The following CNTN4 variants were observed in gnomAD, a reference collection of about 807,000 sequenced individuals.
The protein encoded by CNTN4 is contactin-4.
CNTN4 carries 77 observed loss-of-function variants against 122.5 expected under a neutral mutation model. That is an observed-to-expected ratio of 0.63 (90% CI 0.52 to 0.76). The LOEUF (loss-of-function observed/expected upper bound fraction) is 0.76, where lower values mean the gene tolerates loss of function less well. CNTN4 is among the 30% of genes least tolerant of loss of function. The pLI, the probability that CNTN4 is intolerant of heterozygous loss-of-function variation, is 0.00. For synonymous variants in CNTN4, 512 were observed against 447.0 expected, an observed-to-expected ratio of 1.15 and a Z score of -1.83; for missense variants, 1,256 against 1,259.1, an observed-to-expected ratio of 1.00 and a Z score of 0.04.
intron 1 of CNTN4, chr3:2,099,381 C>T (rs2031697427): frequency 6.6e-6 from 1 of 152,374 alleles, no homozygotes; most frequent in Admixed American, 6.5e-5. Context: ...GTTCGGGCTA[C>T]TGCCCCCTCT....
chr3:3,055,968 G>A (rs1396145615), intron 24 of CNTN4, 152 bp from the exon 25 acceptor site: 4 of 615,454 alleles, frequency 6.5e-6, no homozygotes, highest in African/African-American at 3.7e-5. Flanking sequence ...TAGCTTGGTA[G>A]TCATAGAACT....
chr3:2,877,637 G>A (rs769307660), intron 8 of CNTN4, among the ~76,000 whole-genome samples: 1 of 152,098 alleles, frequency 6.6e-6, no homozygotes, highest in Non-Finnish European at 1.5e-5. Context: ...GACCTGGGTA[G>A]GTCTTTACAT....
intron 7 of CNTN4, among the ~76,000 whole-genome samples, chr3:2,853,617 C>A (rs1250477002): frequency 1.3e-5 from 2 of 152,078 alleles, no homozygotes; most frequent in African/African-American, 4.8e-5. Context: ...TTGAGGAATT[C>A]AACCACCACA....
chr3:2,202,384 C>A (rs367839171), intron 2 of CNTN4, among the ~76,000 whole-genome samples: 7 of 152,152 alleles, frequency 4.6e-5, no homozygotes, highest in African/African-American at 1.7e-4. Context: ...TAATTTCAGC[C>A]TCATTACTAA....
At chr3:2,305,619 ATCT>A (rs1296559483) in intron 2 of CNTN4, among the ~76,000 whole-genome samples, 5 of 152,126 alleles carry the variant, frequency 3.3e-5, no homozygotes, top group Middle Eastern at 3.2e-3. Flanking sequence ...ATTTTTGTGA[ATCT>A]TCTTTTTTTC....
At chr3:2,531,842 A>G (rs1386972074) in intron 3 of CNTN4, among the ~76,000 whole-genome samples, 2 of 152,186 alleles carry the variant, frequency 1.3e-5, no homozygotes, top group African/African-American at 4.8e-5. Flanking sequence ...CTTAATATTC[A>G]TAATAAGAAC....
intron 3 of CNTN4, among the ~76,000 whole-genome samples, chr3:2,549,088 G>C (rs929447404): frequency 6.6e-6 from 1 of 151,840 alleles, no homozygotes; most frequent in African/African-American, 2.4e-5. Flanking sequence ...GAGACGTTGG[G>C]GTTTCTAAAT....
chr3:2,354,823 AG>A (rs2044800045), intron 3 of CNTN4, among the ~76,000 whole-genome samples: 1 of 152,218 alleles, frequency 6.6e-6, no homozygotes, highest in African/African-American at 2.4e-5. Context: ...TCAAACAGCC[AG>A]GAGTTCTAAG....
chr3:2,294,204 T>G (rs535003260), intron 2 of CNTN4, among the ~76,000 whole-genome samples: 1 of 152,106 alleles, frequency 6.6e-6, no homozygotes, highest in African/African-American at 2.4e-5. Flanking sequence ...AATCATAAGA[T>G]TTAGGGACCT....
At chr3:2,826,891 T>G (rs747651610) in intron 7 of CNTN4, among the ~76,000 whole-genome samples, 2 of 152,186 alleles carry the variant, frequency 1.3e-5, no homozygotes, top group African/African-American at 2.4e-5. Flanking sequence ...TTTACCAGTT[T>G]TATATAATTT....
At chr3:2,811,016 G>GAAAAAAAAAAAGA (rs76141502) in intron 6 of CNTN4, among the ~76,000 whole-genome samples, 1 of 137,738 alleles carries the variant, frequency 7.3e-6, no homozygotes, top group Non-Finnish European at 1.6e-5. Flanking sequence ...TAGAGGCTCT[G>GAAAAAAAAAAAGA]AAAAAAAAAA....
intron 6 of CNTN4, among the ~76,000 whole-genome samples, chr3:2,786,557 G>A (rs1361090504): frequency 6.6e-6 from 1 of 152,154 alleles, no homozygotes; most frequent in Non-Finnish European, 1.5e-5. Context: ...TTCAATTTGA[G>A]TTTAGACCTG....
chr3:2,609,005 A>G (rs2081372101), intron 4 of CNTN4, among the ~76,000 whole-genome samples: 1 of 152,210 alleles, frequency 6.6e-6, no homozygotes, highest in Non-Finnish European at 1.5e-5. Context: ...TCAACAACAG[A>G]AATTTTTTAA....
rs1182559402 is a variant in CNTN4, at chr3:2,504,687, A to T, written c.-88-66729A>T. Among the ~76,000 whole-genome samples the T allele has an allele frequency of 3.5e-4, 53 of 152,210 alleles. 1 individual carries two copies. The highest frequency in any genetic ancestry group is 4.4e-5 in the Non-Finnish European group (3 of 68,018). On this transcript the variant is annotated intron_variant, in intron 3 of 24. Transcript: ENST00000418658. ...GTTACAAAAGTAAAATAATACCTTTACATTTAAATAACAGAGAAATATTGT... is the reference window on the plus strand; with the variant it reads ...GTTACAAAAGTAAAATAATACCTTTTCATTTAAATAACAGAGAAATATTGT...
At chr3:2,600,446 C>A (rs1012465011) in intron 4 of CNTN4, among the ~76,000 whole-genome samples, 3 of 151,984 alleles carry the variant, frequency 2.0e-5, no homozygotes, top group East Asian at 3.9e-4. Flanking sequence ...TGAGAACATG[C>A]GGTGTTTGGT....
intron 4 of CNTN4, among the ~76,000 whole-genome samples, chr3:2,692,107 A>G (rs1011102791): frequency 6.6e-6 from 1 of 152,182 alleles, no homozygotes; most frequent in Non-Finnish European, 1.5e-5. Flanking sequence ...CTTAAACTTA[A>G]GTGGCACACT....
chr3:2,548,411 A>C (rs562895548), intron 3 of CNTN4, among the ~76,000 whole-genome samples: 1 of 151,982 alleles, frequency 6.6e-6, no homozygotes, highest in Non-Finnish European at 1.5e-5. Flanking sequence ...AGTTTTCCCA[A>C]TACCATTTAT....
chr3:2,935,540 G>C (rs2094560157), intron 13 of CNTN4, among the ~76,000 whole-genome samples: 3 of 152,112 alleles, frequency 2.0e-5, no homozygotes, highest in African/African-American at 7.2e-5. Context: ...AAACCTCTGA[G>C]AAATTCAATT....
chr3:2,787,119 G>A (rs1022814259), intron 6 of CNTN4, among the ~76,000 whole-genome samples: 2 of 152,160 alleles, frequency 1.3e-5, no homozygotes, highest in Admixed American at 6.5e-5. Flanking sequence ...GCTCATACCT[G>A]TAAACCCAGC....
Sources: allele counts gnomAD v4.1 joint callset (sites outside exome capture counted in the v4.1 genomes callset), GRCh38; gene constraint gnomAD v4.1.1; transcripts MANE v1.5; gene names NCBI Gene and HGNC (gene_info 2026-07-23, HGNC 2026-07-21).